NGRN: variants seen among roughly 807,000 people sequenced by gnomAD.
NGRN encodes neugrin, neurite outgrowth associated, also known as neugrin.
In NGRN, 12 loss-of-function variants were observed where a neutral mutation model predicts 13.1. The observed-to-expected ratio is 0.92, with a 90% CI of 0.59 to 1.49. The LOEUF is 1.49. NGRN is among the 40% of genes most tolerant of loss of function. The pLI, the probability that NGRN is intolerant of heterozygous loss-of-function variation, is 0.00. For missense variants in NGRN, 397 were observed against 357.0 expected (o/e 1.11, Z -0.90); for synonymous variants, 149 against 145.8 (o/e 1.02, Z -0.16).
In NGRN at chr15:90,271,707, G is replaced by T; in HGVS notation, c.795G>T (p.Glu265Asp). ...AGCTGGAGGAGTTGAAGGCAGAGGAGCCAGATAACTTCAGCAGCAAAGTAG... is the reference window on the plus strand; with the variant it reads ...AGCTGGAGGAGTTGAAGGCAGAGGATCCAGATAACTTCAGCAGCAAAGTAG... ...GQKLEELKAEEPDNFSSKVVQ... is the reference protein window; with the variant it reads ...GQKLEELKAEDPDNFSSKVVQ... Residue 265 changes from glutamate to aspartate, a missense_variant, in exon 3 of 3, where the codon GAG (glutamate) becomes GAT (aspartate). By Grantham distance (45) the Glu-to-Asp change is conservative. Transcript: ENST00000379095. 6.2e-7 allele frequency: 1 copy of T among 1,614,230 alleles called. No individual in the cohort carries two copies. The highest frequency in any genetic ancestry group is 8.5e-7 in the Non-Finnish European group (1 of 1,180,054).
rs1162914393 is a variant in NGRN, at chr15:90,271,734, G to A, written c.822G>A (p.Val274=). The part of the protein sequence containing the change: ...EEPDNFSSKV[V]QRGREFFDSN... ...CAGATAACTTCAGCAGCAAAGTAGT[G>A]CAGAGGGGCCGAGAGTTCTTTGACA... The change falls in exon 3 of 3, where the codon GTG becomes GTA. Residue 274 remains valine (V), a synonymous_variant. Transcript: ENST00000379095. 5.0e-6 allele frequency: 8 copies of A among 1,614,184 alleles called. No homozygotes were observed. Among genetic ancestry groups the A allele is most frequent in the Middle Eastern group, 3.3e-4 (2 of 6,062 alleles).
rs1963419032 is a variant in NGRN, at chr15:90,266,306, A to G, written c.183A>G (p.Lys61=). The G allele has an allele frequency of 6.2e-7, 1 of 1,613,732 alleles. No individual in the cohort carries two copies. Among genetic ancestry groups the G allele is most frequent in the Non-Finnish European group, 8.5e-7 (1 of 1,179,852 alleles). Residue 61 remains lysine, a synonymous_variant, in exon 2 of 3, where the codon AAA becomes AAG. Coordinates refer to ENST00000379095, the MANE Select transcript of NGRN (RefSeq NM_001033088.3). ...QEVESTLKRQ[K]QAIRFQKIRR... Reference sequence around the variant, plus strand: ...CCCCCAGCACCCTGAAACGACAGAAACAAGCAATCCGATTCCAGAAAATTC... The same window carrying G: ...CCCCCAGCACCCTGAAACGACAGAAGCAAGCAATCCGATTCCAGAAAATTC...
At chr15:90,269,182 T>A (rs1596201626) in intron 2 of NGRN, among the ~76,000 whole-genome samples, 1 of 135,054 alleles carries the variant, frequency 7.4e-6, no homozygotes, top group Admixed American at 7.4e-5. Flanking sequence ...TTTTTTTTTT[T>A]TTTTTGGATT....
At chr15:90,269,609 G>C (rs999285341) in intron 2 of NGRN, among the ~76,000 whole-genome samples, 3 of 152,012 alleles carry the variant, frequency 2.0e-5, no homozygotes, top group Admixed American at 1.3e-4. Context: ...TTCCCTGCCT[G>C]ATGCTAGCCA....
Position 90,265,786 on chromosome 15 carries a change from G to C in NGRN, c.74G>C (p.Arg25Pro). 1 of 1,612,160 alleles carries C rather than the reference G, an allele frequency of 6.2e-7. No individual in the cohort carries two copies. Among genetic ancestry groups the C allele is most frequent in the Non-Finnish European group, 8.5e-7 (1 of 1,179,470 alleles). ...AAVTRCGFAT[R>P]GVAGPGPIGR... Reference sequence around the variant, plus strand: ...GTCACTCGCTGTGGGTTCGCGACCCGGGGGGTGGCGGGCCCAGGCCCTATT... The same window carrying C: ...GTCACTCGCTGTGGGTTCGCGACCCCGGGGGTGGCGGGCCCAGGCCCTATT... The change falls in exon 1 of 3, where the codon CGG (arginine) becomes CCG (proline). Residue 25 changes from arginine to proline, a missense_variant. Transcript: ENST00000379095.
At chr15:90,266,095 C>A in intron 1 of NGRN, 193 bp from the exon 2 acceptor site, 1 of 1,433,636 alleles carries the variant, frequency 7.0e-7, no homozygotes. Context: ...GAGAGTTCGG[C>A]ATGCTTACAG....
chr15:90,268,148 G>A (rs962369603), intron 2 of NGRN, among the ~76,000 whole-genome samples: 18 of 151,882 alleles, frequency 1.2e-4, no homozygotes, highest in African/African-American at 4.1e-4. Context: ...GATTACAGGC[G>A]TGCACCACCA....
chr15:90,271,972 T>G lies in NGRN; in HGVS notation c.*184T>G. On this transcript the variant is annotated 3_prime_UTR_variant, in exon 3 of 3. Transcript: ENST00000379095. ...AAACTTCCTGTGGTAGTGCTCCCAGTCTGACCTCTGTAGACCTTCAGTACT... is the reference window on the plus strand; with the variant it reads ...AAACTTCCTGTGGTAGTGCTCCCAGGCTGACCTCTGTAGACCTTCAGTACT... 1 of 727,974 alleles carries G rather than the reference T, an allele frequency of 1.4e-6. No individual in the cohort carries two copies. The highest frequency in any genetic ancestry group is 1.9e-5 in the South Asian group (1 of 51,712). The allele number at this position is 727,974 out of a possible 1,614,324, so 45.1% of individuals were successfully genotyped here.
At chr15:90,271,050 C>T in intron 2 of NGRN, 138 bp from the exon 3 acceptor site, 1 of 985,300 alleles carries the variant, frequency 1.0e-6, no homozygotes, top group African/African-American at 1.6e-5. Context: ...CCTATCTCGG[C>T]CTCTCAGAGT....
At position 90,271,376 on chromosome 15, in the gene NGRN, G is replaced by C; in HGVS notation, c.464G>C (p.Gly155Ala). Reference protein sequence around the residue: ...GLAHSLQHLRGSGNTSKLLPA... With the variant: ...GLAHSLQHLRASGNTSKLLPA... ...GCCCACTCGCTGCAGCACCTCCGGG[G>C]CTCTGGAAATACCTCAAAGCTGCTC... Residue 155 changes from glycine (G) to alanine (A), a missense_variant, in exon 3 of 3, where the codon GGC becomes GCC. Physicochemically the swap from Gly to Ala is moderately conservative, Grantham distance 60. Transcript: ENST00000379095. The C allele has an allele frequency of 1.9e-6, 3 of 1,613,994 alleles. No individual in the cohort carries two copies. The highest frequency in any genetic ancestry group is 2.5e-6 in the Non-Finnish European group (3 of 1,180,016).
chr15:90,270,015 T>C (rs1963481963), intron 2 of NGRN, among the ~76,000 whole-genome samples: 1 of 152,200 alleles, frequency 6.6e-6, no homozygotes, highest in African/African-American at 2.4e-5. Flanking sequence ...TGACCAATCT[T>C]TCTGCCTATA....
At chr15:90,270,973 TC>T (rs1237702838) in intron 2 of NGRN, among the ~76,000 whole-genome samples, 16 of 152,162 alleles carry the variant, frequency 1.1e-4, no homozygotes, top group African/African-American at 3.9e-4. Flanking sequence ...ATGCCTGTAA[TC>T]CCAGCTACTT....
At chr15:90,270,101 T>C (rs1963483102) in intron 2 of NGRN, among the ~76,000 whole-genome samples, 1 of 152,128 alleles carries the variant, frequency 6.6e-6, no homozygotes, top group South Asian at 2.1e-4. Flanking sequence ...TCTCCCTGTT[T>C]CCCAGGCTGG....
At chr15:90,270,398 C>T (rs1006948112) in intron 2 of NGRN, among the ~76,000 whole-genome samples, 18 of 152,156 alleles carry the variant, frequency 1.2e-4, no homozygotes, top group African/African-American at 4.3e-4. Context: ...TTCATCTCTC[C>T]TTCTCTCCTC....
At chr15:90,271,085 C>T in intron 2 of NGRN, 103 bp from the exon 3 acceptor site, 4 of 1,347,138 alleles carry the variant, frequency 3.0e-6, no homozygotes, top group East Asian at 2.3e-5. Flanking sequence ...TGTGAGCCAC[C>T]ATGCCAGGCC....
Position 90,271,489 on chromosome 15 carries a change from G to A in NGRN, c.577G>A (p.Val193Met), listed in dbSNP as rs1418066296. 4 of 1,614,088 alleles carry A rather than the reference G, an allele frequency of 2.5e-6. No individual in the cohort carries two copies. The South Asian group carries it at 4.4e-5, about 18-fold the overall frequency. ...CCCAAATCACAGCACAGCTTTGAAA[G>A]TGATAGAGTCAGACACTCACAGGAC... is the stretch of plus-strand genomic sequence containing the variant. The part of the protein sequence containing the change: ...KDPNHSTALK[V>M]IESDTHRTNT... The change falls in exon 3 of 3, where the codon GTG becomes ATG. Residue 193 changes from valine (V) to methionine (M), a missense_variant. Transcript: ENST00000379095.
At position 90,270,361 on chromosome 15, in the gene NGRN, A is replaced by G. The variant is rs16944109; in HGVS notation, c.276-827A>G. Among the ~76,000 whole-genome samples, 1,285 of 152,220 alleles carry G rather than the reference A, an allele frequency of 8.4e-3. 20 individuals are homozygous for G. The highest frequency in any genetic ancestry group is 0.03 in the African/African-American group (1,241 of 41,532). Reference sequence around the variant, plus strand: ...GGTGATGTGCCGCTTTACATTTCACAAGCTCTTCACTTTATCATCAGTATC... The same window carrying G: ...GGTGATGTGCCGCTTTACATTTCACGAGCTCTTCACTTTATCATCAGTATC... On this transcript the variant is annotated intron_variant, in intron 2 of 2. Coordinates refer to ENST00000379095, the MANE Select transcript of NGRN (RefSeq NM_001033088.3).
Position 90,265,889 on chromosome 15 carries a change from C to T in NGRN, c.164+13C>T, listed in dbSNP as rs1441047741. ...AGGAGGTGGAGAGGTACCGGCTTCTCCCCGGGCCCTCAGCTTGAAGCAGGG... is the reference window on the plus strand; with the variant it reads ...AGGAGGTGGAGAGGTACCGGCTTCTTCCCGGGCCCTCAGCTTGAAGCAGGG... On this transcript the variant is annotated intron_variant, in intron 1 of 2. Coordinates refer to ENST00000379095, the MANE Select transcript of NGRN (RefSeq NM_001033088.3). 4 of 1,535,454 alleles carry T rather than the reference C, an allele frequency of 2.6e-6. No homozygotes were observed. The Admixed American group carries it at 8.4e-5, about 32-fold the overall frequency.
At chr15:90,270,447 C>T (rs1963487183) in intron 2 of NGRN, among the ~76,000 whole-genome samples, 1 of 152,150 alleles carries the variant, frequency 6.6e-6, no homozygotes, top group Non-Finnish European at 1.5e-5. Context: ...CCTTTCAGAC[C>T]AACTCTAGCT....
Sources: gnomAD v4.1 joint callset for allele counts (sites outside exome capture counted in the v4.1 genomes callset) on GRCh38, gnomAD v4.1.1 for gene constraint, MANE v1.5 for transcripts, NCBI Gene and HGNC (gene_info 2026-07-23, HGNC 2026-07-21) for gene names.